The following C10orf90 variants were observed in gnomAD, a reference collection of about 807,000 sequenced individuals.
C10orf90 encodes the protein chromosome 10 open reading frame 90.
A neutral mutation model predicts 62.5 loss-of-function variants in C10orf90; 56 were observed. That is an observed-to-expected ratio of 0.90 (90% CI 0.72 to 1.12). The LOEUF (loss-of-function observed/expected upper bound fraction) is 1.12, where lower values mean the gene tolerates loss of function less well. C10orf90 is among the 50% of genes most tolerant of loss of function. C10orf90 has a pLI of 0.00. For missense variants in C10orf90, 970 were observed against 880.4 expected (o/e 1.10, Z -1.29); for synonymous variants, 386 against 340.4 (o/e 1.13, Z -1.47).
At chr10:126,587,080 A>G (rs1844887624) in intron 2 of C10orf90, among the ~76,000 whole-genome samples, 1 of 152,144 alleles carries the variant, frequency 6.6e-6, no homozygotes. Flanking sequence ...GAGGTTTCAT[A>G]CTTGTGTATG....
intron 4 of C10orf90, among the ~76,000 whole-genome samples, chr10:126,498,584 T>C (rs1862206356): frequency 6.6e-6 from 1 of 152,166 alleles, no homozygotes; most frequent in Admixed American, 6.5e-5. Flanking sequence ...TTCAGCAGTG[T>C]GATGGACACT....
chr10:126,535,516 C>CAAAA lies in C10orf90; in HGVS notation c.314-21581_314-21578dup, dbSNP rs35841777. On this transcript the variant is annotated intron_variant, in intron 2 of 9. Coordinates refer to ENST00000488181, the MANE Select transcript of C10orf90 (RefSeq NM_001350921.2). ...TGGGCAACAGAGCCAGACGCTGTCT[C>CAAAA]AAAAAAAAAAAAAAAAATTGTCTTC... Among the ~76,000 whole-genome samples, 579 of 132,036 alleles carry CAAAA rather than the reference C, an allele frequency of 4.4e-3. 1 individual carries two copies. The highest frequency in any genetic ancestry group is 0.017 in the African/African-American group (554 of 33,374). The allele number at this position is 132,036 out of a possible 152,430, so 86.6% of individuals were successfully genotyped here.
chr10:126,544,930 C>T lies in C10orf90; in HGVS notation c.314-30991G>A, dbSNP rs554816384. Among the ~76,000 whole-genome samples, 23 of 152,278 alleles carry T rather than the reference C, an allele frequency of 1.5e-4. No individual in the cohort carries two copies. The South Asian group carries it at 4.6e-3, about 30-fold the overall frequency. On this transcript the variant is annotated intron_variant, in intron 2 of 9. Transcript: ENST00000488181. ...CCAGTAGGGTGACAAATGTTGAAGCCAATTCCTAGGCTAGATTTTCCCATC... is the reference window on the plus strand; with the variant it reads ...CCAGTAGGGTGACAAATGTTGAAGCTAATTCCTAGGCTAGATTTTCCCATC...
chr10:126,519,160 A>G (rs1863607819), intron 2 of C10orf90, among the ~76,000 whole-genome samples: 1 of 152,170 alleles, frequency 6.6e-6, no homozygotes, highest in Non-Finnish European at 1.5e-5. Context: ...TTGGGTTTAG[A>G]TAAAGGTGAA....
In C10orf90 at chr10:126,504,654, A is replaced by T. The variant is rs1162911663; in HGVS notation, c.837T>A (p.Asn279Lys). The change falls in exon 4 of 10, where the codon AAT (asparagine) becomes AAA (lysine). Residue 279 changes from asparagine (N) to lysine (K), a missense_variant. Asn to Lys is a moderately conservative substitution (Grantham distance 94). Transcript: ENST00000488181. This position sits in a 1 kb window ranked among gnomAD's most constrained non-coding sequence, Gnocchi z 4.1. Reference protein sequence around the residue: ...TLFQAPPALANGAHPGRHQRS... With the variant: ...TLFQAPPALAKGAHPGRHQRS... ...TCTGATGCCGACCTGGATGGGCGCC[A>T]TTGGCCAGAGCCGGGGGCGCCTGGA... The T allele has an allele frequency of 6.2e-7, 1 of 1,614,092 alleles. No homozygotes were observed. Among genetic ancestry groups the T allele is most frequent in the East Asian group, 2.2e-5 (1 of 44,876 alleles).
chr10:126,485,471 T>C (rs1861377373), intron 4 of C10orf90, among the ~76,000 whole-genome samples: 2 of 152,172 alleles, frequency 1.3e-5, no homozygotes. Flanking sequence ...AATGCAATGA[T>C]GACGATTAAA....
rs1369195662 is a variant in C10orf90 at position 126,461,484 on chromosome 10, G to A, written c.1927C>T (p.Pro643Ser). The A allele has an allele frequency of 1.2e-6, 2 of 1,614,002 alleles. No individual in the cohort carries two copies. Among genetic ancestry groups the A allele is most frequent in the Non-Finnish European group, 1.7e-6 (2 of 1,180,028 alleles). ...CCAGGGCTCCCTGCTCCATCGCGGG[G>A]TGCTGGCGAGGGTGCTGCTGGGGAG... ...EPSPAAPSPA[P>S]RDGAGSPGLS... The change falls in exon 6 of 10, where the codon CCC (proline) becomes TCC (serine). Residue 643 changes from proline to serine, a missense_variant. By Grantham distance (74) the Pro-to-Ser change is moderately conservative. Transcript: ENST00000488181.
In C10orf90 at chr10:126,489,574, C is replaced by T. The variant is rs753649026; in HGVS notation, c.1534+14383G>A. Among the ~76,000 whole-genome samples the T allele has an allele frequency of 5.3e-5, 8 of 152,022 alleles. 1 individual carries two copies. The South Asian group carries it at 1.0e-3, about 20-fold the overall frequency. Reference sequence around the variant, plus strand: ...TATTAATTGAAAAAACAGAGCACGACGAGTGTTGGTGAAGTTGTGGAGAAA... The same window carrying T: ...TATTAATTGAAAAAACAGAGCACGATGAGTGTTGGTGAAGTTGTGGAGAAA... On this transcript the variant is annotated intron_variant, in intron 4 of 9. Transcript: ENST00000488181.
At chr10:126,551,014 T>G (rs1444947265) in intron 2 of C10orf90, among the ~76,000 whole-genome samples, 2 of 152,194 alleles carry the variant, frequency 1.3e-5, no homozygotes, top group African/African-American at 4.8e-5. Context: ...ATGGTGGACT[T>G]AAGCCCTAAC....
At chr10:126,546,795 G>A (rs953897468) in intron 2 of C10orf90, among the ~76,000 whole-genome samples, 27 of 152,198 alleles carry the variant, frequency 1.8e-4, no homozygotes, top group Non-Finnish European at 2.9e-5. Context: ...AAGATCCAGA[G>A]TTTTATAACA....
intron 5 of C10orf90, 37 bp from the exon 6 acceptor site, chr10:126,461,622 C>T: frequency 6.3e-7 from 1 of 1,589,276 alleles, no homozygotes; most frequent in Non-Finnish European, 8.5e-7. Flanking sequence ...TTAGAGGGCA[C>T]CAAGTGATTT....
chr10:126,533,499 CCCTGGACAAAACAAACCAGT>C (rs1349728204), intron 2 of C10orf90, among the ~76,000 whole-genome samples: 1 of 152,170 alleles, frequency 6.6e-6, no homozygotes, highest in East Asian at 1.9e-4. Context: ...AACTTTTTGT[CCCTGGACAAAACAAACCAGT>C]CCTGTTTTCA....
chr10:126,496,703 G>C (rs1862077709), intron 4 of C10orf90: 1 of 985,338 alleles, frequency 1.0e-6, no homozygotes, highest in Non-Finnish European at 1.2e-6. Context: ...TTCCTTGCCA[G>C]AGAGGTTTTG....
At chr10:126,452,748 A>T (rs563031609) in intron 7 of C10orf90, among the ~76,000 whole-genome samples, 1 of 152,378 alleles carries the variant, frequency 6.6e-6, no homozygotes, top group East Asian at 1.9e-4. Context: ...ATAAAAGTGT[A>T]CAAGTGAATG....
At chr10:126,663,150 T>C (rs1267122153) in intron 1 of C10orf90, among the ~76,000 whole-genome samples, 1 of 152,158 alleles carries the variant, frequency 6.6e-6, no homozygotes, top group African/African-American at 2.4e-5. Context: ...TCCTCAGAAC[T>C]GTAAGGAAGT....
intron 3 of C10orf90, among the ~76,000 whole-genome samples, chr10:126,511,793 T>C (rs1375247068): frequency 6.6e-6 from 1 of 152,206 alleles, no homozygotes; most frequent in African/African-American, 2.4e-5. Flanking sequence ...AGATATTTTC[T>C]TATTTATATG....
Position 126,456,821 on chromosome 10 carries a change from T to C in C10orf90, c.2188+2219A>G, listed in dbSNP as rs1310686071. On this transcript the variant is annotated intron_variant, in intron 7 of 9. Coordinates refer to ENST00000488181, the MANE Select transcript of C10orf90 (RefSeq NM_001350921.2). The surrounding 1 kb of genome is among the most constrained non-coding windows in gnomAD (Gnocchi z 4.9). ...TGCCGCATCTACAAACCAAGGAACATCAAGGATTGCAGGAAGCCGCCAGGA... is the reference window on the plus strand; with the variant it reads ...TGCCGCATCTACAAACCAAGGAACACCAAGGATTGCAGGAAGCCGCCAGGA... Among the ~76,000 whole-genome samples the C allele has an allele frequency of 6.6e-6, 1 of 151,914 alleles. No individual in the cohort carries two copies. The highest frequency in any genetic ancestry group is 1.5e-5 in the Non-Finnish European group (1 of 67,972).
At chr10:126,616,150 C>T (rs1166854073) in intron 2 of C10orf90, among the ~76,000 whole-genome samples, 4 of 147,294 alleles carry the variant, frequency 2.7e-5, no homozygotes, top group Non-Finnish European at 4.6e-5. Flanking sequence ...CTCTTAATTC[C>T]GAGAGTGTGA....
chr10:126,468,225 C>G (rs377384539), intron 4 of C10orf90, among the ~76,000 whole-genome samples: 2 of 152,050 alleles, frequency 1.3e-5, no homozygotes, highest in Non-Finnish European at 2.9e-5. Context: ...CCCACCACCA[C>G]GCCCAGCTAA....
Sources: gnomAD v4.1 joint callset for allele counts (sites outside exome capture counted in the v4.1 genomes callset) on GRCh38, gnomAD v4.1.1 for gene constraint, Gnocchi (gnomAD v3.1) non-coding constraint, MANE v1.5 for transcripts, NCBI Gene and HGNC (gene_info 2026-07-23, HGNC 2026-07-21) for gene names.